The following KCTD9 variants were observed in gnomAD, a reference collection of about 807,000 sequenced individuals.
KCTD9 encodes the protein potassium channel tetramerization domain containing 9.
In KCTD9, 17 loss-of-function variants were observed where a neutral mutation model predicts 53.3. The ratio of observed to expected loss-of-function variants is 0.32; its 90% CI spans 0.22 to 0.48. The LOEUF (loss-of-function observed/expected upper bound fraction) is 0.48, where lower values mean the gene tolerates loss of function less well. Among genes scored for constraint, KCTD9 ranks in the 20% least tolerant of loss-of-function variants. The probability of loss-of-function intolerance (pLI) is 0.99; values close to 1 mark genes in which losing one functional copy is unlikely to be tolerated. For synonymous variants in KCTD9, 128 were observed against 162.7 expected, an observed-to-expected ratio of 0.79 and a Z score of 1.62; for missense variants, 179 against 465.5, an observed-to-expected ratio of 0.38 and a Z score of 5.66.
chr8:25,439,717 A>T, intron 4 of KCTD9, 53 bp from the exon 5 acceptor site: 1 of 1,611,924 alleles, frequency 6.2e-7, no homozygotes, highest in South Asian at 1.1e-5. Context: ...ATAAACAAAC[A>T]TATTTAAGTC....
chr8:25,456,774 G>C lies in KCTD9; in HGVS notation c.48+1425C>G, dbSNP rs1324773378. Among the ~76,000 whole-genome samples, 3 of 152,110 alleles carry C rather than the reference G, an allele frequency of 2.0e-5. No homozygotes were observed. In the East Asian group the frequency reaches 5.8e-4, roughly 29 times the overall value. On this transcript the variant is annotated intron_variant, in intron 1 of 11. Transcript: ENST00000221200. ...TTTGACAACCAAATTGAGTGGATTTGGGAGAGATTTAGAGCAAAAATATTT... is the reference window on the plus strand; with the variant it reads ...TTTGACAACCAAATTGAGTGGATTTCGGAGAGATTTAGAGCAAAAATATTT...
chr8:25,441,076 T>C (rs1167194447), intron 3 of KCTD9, among the ~76,000 whole-genome samples: 1 of 151,996 alleles, frequency 6.6e-6, no homozygotes, highest in Non-Finnish European at 1.5e-5. Flanking sequence ...AAATAAACTC[T>C]TAAAACCAAA....
At chr8:25,451,060 T>G (rs569272803) in intron 1 of KCTD9, among the ~76,000 whole-genome samples, 1 of 152,304 alleles carries the variant, frequency 6.6e-6, no homozygotes, top group South Asian at 2.1e-4. Flanking sequence ...TTCCCTTAAG[T>G]TGGGCCAATA....
Position 25,435,405 on chromosome 8 carries a change from ACAG to A in KCTD9, c.768_770del (p.Cys257del). ...AGAGATCAGCTCGTTCAAGATTTGC[ACAG>A]CAAAGATTTGCATGTGCAAGATTAC... On this transcript the variant is annotated inframe_deletion, in exon 9 of 12. Transcript: ENST00000221200. 1 of 1,610,590 alleles carries A rather than the reference ACAG, an allele frequency of 6.2e-7. No individual in the cohort carries two copies. The highest frequency in any genetic ancestry group is 8.5e-7 in the Non-Finnish European group (1 of 1,178,752).
intron 4 of KCTD9, 44 bp downstream of exon 4, chr8:25,440,533 C>T (rs1802103327): frequency 1.6e-6 from 2 of 1,250,244 alleles, no homozygotes; most frequent in Non-Finnish European, 1.2e-6. Context: ...GTACACAGTG[C>T]TTCTTTTGCA....
At chr8:25,435,628 G>T (rs1802002626) in intron 8 of KCTD9, 116 bp from the exon 9 acceptor site, 3 of 771,784 alleles carry the variant, frequency 3.9e-6, no homozygotes, top group Admixed American at 3.3e-5. Flanking sequence ...TCAGTCACTT[G>T]GAGTTTATTA....
chr8:25,435,247 G>A (rs915273263), intron 9 of KCTD9, 116 bp downstream of exon 9: 1 of 638,974 alleles, frequency 1.6e-6, no homozygotes, highest in South Asian at 4.7e-5. Flanking sequence ...TAAATTATCT[G>A]TTTTCAAGTA....
At chr8:25,432,356 G>A in intron 11 of KCTD9, 148 bp downstream of exon 11, 2 of 664,366 alleles carry the variant, frequency 3.0e-6, no homozygotes, top group Non-Finnish European at 2.6e-6. Context: ...GAAAAGGAGA[G>A]AAATGAAATC....
intron 1 of KCTD9, among the ~76,000 whole-genome samples, chr8:25,451,727 A>G (rs7839773): frequency 0.96 from 146,360 of 152,276 alleles, 70,555 homozygotes; most frequent in East Asian, 1. Flanking sequence ...GTTTTAATTT[A>G]CCTTTAAACA....
Position 25,432,495 on chromosome 8 carries a change from T to G in KCTD9, c.1053+9A>C. ...GTAATAAAAATTCTTAAAGTGTTGG[T>G]GAACTCACCTCTAAATCAGTTCCTG... On this transcript the variant is annotated intron_variant, in intron 11 of 11. Transcript: ENST00000221200. The G allele has an allele frequency of 4.3e-6, 7 of 1,610,158 alleles. No homozygotes were observed. Among genetic ancestry groups the G allele is most frequent in the Non-Finnish European group, 5.9e-6 (7 of 1,178,826 alleles).
intron 1 of KCTD9, chr8:25,457,289 ATTTACC>A: frequency 1.1e-6 from 1 of 889,978 alleles, no homozygotes; most frequent in Non-Finnish European, 1.3e-6. Flanking sequence ...AGCGAGACCC[ATTTACC>A]TTTACCTTAG....
In KCTD9 at chr8:25,435,469, C is replaced by T. The variant is rs1301442877; in HGVS notation, c.707G>A (p.Arg236Gln). The T allele has an allele frequency of 3.7e-6, 6 of 1,610,056 alleles. No individual in the cohort carries two copies. The African/African-American group carries it at 4.0e-5, about 11-fold the overall frequency. Residue 236 changes from arginine to glutamine, a missense_variant, in exon 9 of 12, where the codon CGA becomes CAA. Coordinates refer to ENST00000221200, the MANE Select transcript of KCTD9 (RefSeq NM_017634.4). ...ATTGGCCATTTTGAAGTTAATGTAT[C>T]GAAGGTCCAAACGAGAAAGATCAGC... ...SGADLSRLDL[R>Q]YINFKMANLS...
intron 9 of KCTD9, 64 bp downstream of exon 9, chr8:25,435,299 C>G: frequency 3.7e-6 from 4 of 1,074,884 alleles, no homozygotes; most frequent in Non-Finnish European, 3.8e-6. Flanking sequence ...GTCTCAAAGG[C>G]TCTTTGAGAC....
intron 3 of KCTD9, among the ~76,000 whole-genome samples, chr8:25,443,576 A>G (rs1326760152): frequency 6.6e-6 from 1 of 152,196 alleles, no homozygotes; most frequent in Non-Finnish European, 1.5e-5. Flanking sequence ...AAAGAAGATG[A>G]GAAGTTCTTG....
chr8:25,435,317 T>C, intron 9 of KCTD9, 46 bp downstream of exon 9: 1 of 1,421,204 alleles, frequency 7.0e-7, no homozygotes, highest in Non-Finnish European at 9.4e-7. Context: ...GACTGTTCAA[T>C]AGACTAAACA....
chr8:25,444,650 A>G (rs1227444689), intron 2 of KCTD9, among the ~76,000 whole-genome samples: 1 of 152,218 alleles, frequency 6.6e-6, no homozygotes, highest in Non-Finnish European at 1.5e-5. Context: ...AGGATAGATT[A>G]AAGTCACAGC....
In KCTD9 at chr8:25,458,423, G is replaced by C. The variant is rs1010226236; in HGVS notation, c.-177C>G. ...GCACTCTGTCCCACACCCAAGGTTC[G>C]GCCGGTCCTCCTTCCCACCCCGCCC... On this transcript the variant is annotated 5_prime_UTR_variant, in exon 1 of 12. Coordinates refer to ENST00000221200, the MANE Select transcript of KCTD9 (RefSeq NM_017634.4). 2 of 709,856 alleles carry C rather than the reference G, an allele frequency of 2.8e-6. No homozygotes were observed. Among genetic ancestry groups the C allele is most frequent in the Non-Finnish European group, 2.4e-6 (1 of 413,434 alleles). 44.0% of individuals were successfully genotyped at this position (709,856 alleles called of 1,614,324 possible).
Position 25,429,071 on chromosome 8 carries a change from G to C in KCTD9, c.*786C>G, listed in dbSNP as rs1362217855. On this transcript the variant is annotated 3_prime_UTR_variant, in exon 12 of 12. Transcript: ENST00000221200. ...AATAGATAGAATTGCTTGATCTGGT[G>C]TTGAGTGGAACTTGCCTAGAATGAA... 1 of 152,178 alleles carries C rather than the reference G, an allele frequency of 6.6e-6. No individual in the cohort carries two copies. The highest frequency in any genetic ancestry group is 1.5e-5 in the Non-Finnish European group (1 of 68,038). The allele number at this position is 152,178 out of a possible 1,614,324, so 9.4% of individuals were successfully genotyped here. A position where few individuals can be genotyped will look rare whatever the true frequency, so the allele number is the denominator to read the frequency against.
intron 4 of KCTD9, 96 bp downstream of exon 4, chr8:25,440,481 T>C (rs1027417638): frequency 1.2e-6 from 1 of 838,156 alleles, no homozygotes; most frequent in East Asian, 2.4e-5. Context: ...TAAGCAGCAT[T>C]TGAGTATCTT....
Sources: gnomAD v4.1 joint callset for allele counts (sites outside exome capture counted in the v4.1 genomes callset) on GRCh38, gnomAD v4.1.1 for gene constraint, MANE v1.5 for transcripts, NCBI Gene and HGNC (gene_info 2026-07-23, HGNC 2026-07-21) for gene names.